Variants in PEX5L observed in about 807,000 individuals in gnomAD.
PEX5L encodes PEX5-related protein.
Under a neutral mutation model 84.0 loss-of-function variants are expected in PEX5L, and 30 were observed. That is an observed-to-expected ratio of 0.36 (90% CI 0.27 to 0.48). The LOEUF (loss-of-function observed/expected upper bound fraction) is 0.48, where lower values mean the gene tolerates loss of function less well. Ranked by LOEUF, PEX5L falls within the 20% of genes least tolerant of loss-of-function variation. The probability of loss-of-function intolerance (pLI) is 0.99; values close to 1 mark genes in which losing one functional copy is unlikely to be tolerated. For missense variants in PEX5L, 533 were observed against 754.6 expected, an observed-to-expected ratio of 0.71 and a Z score of 3.44; for synonymous variants, 270 against 283.1, an observed-to-expected ratio of 0.95 and a Z score of 0.46.
At chr3:179,876,741 C>G (rs372358741) in intron 5 of PEX5L, among the ~76,000 whole-genome samples, 2 of 152,150 alleles carry the variant, frequency 1.3e-5, no homozygotes, top group South Asian at 2.1e-4. Context: ...CCCCCTCCCC[C>G]ACAAACCCTG....
chr3:179,835,175 C>T (rs1734497892), intron 8 of PEX5L, among the ~76,000 whole-genome samples: 1 of 152,186 alleles, frequency 6.6e-6, no homozygotes, highest in Admixed American at 6.5e-5. Context: ...TTGGAAGGAA[C>T]AGCTGGGGTG....
At chr3:179,852,447 C>A (rs1289980371) in intron 8 of PEX5L, among the ~76,000 whole-genome samples, 1 of 152,122 alleles carries the variant, frequency 6.6e-6, no homozygotes, top group East Asian at 1.9e-4. Context: ...CTAAGTCCAG[C>A]CCACACTCAA....
At chr3:179,944,008 C>CT (rs199564733) in intron 2 of PEX5L, among the ~76,000 whole-genome samples, 1 of 151,448 alleles carries the variant, frequency 6.6e-6, no homozygotes, top group African/African-American at 2.4e-5. Context: ...CCTCCCCCCC[C>CT]CAAAAAACTG....
In PEX5L at chr3:179,898,183, C is replaced by G. The variant is rs772465642; in HGVS notation, c.157G>C (p.Glu53Gln). 1 of 1,613,580 alleles carries G rather than the reference C, an allele frequency of 6.2e-7. No individual in the cohort carries two copies. The highest frequency in any genetic ancestry group is 1.1e-5 in the South Asian group (1 of 91,056). The change falls in exon 3 of 15, where the codon GAG becomes CAG. Residue 53 changes from glutamate (E) to glutamine (Q), a missense_variant. Glu to Gln is a conservative substitution (Grantham distance 29). Coordinates refer to ENST00000467460, the MANE Select transcript of PEX5L (RefSeq NM_016559.3). ...AGGAGGGGCTTTTCTTCAGCAGACT[C>G]CTCCCTCGGTATCTCCTTCATCACC... ...AMVMKEIPRE[E>Q]SAEEKPLLTM...
rs377507233 is a variant in PEX5L, at chr3:179,844,102, C to T, written c.822+14960G>A. Among the ~76,000 whole-genome samples the T allele has an allele frequency of 3.9e-5, 6 of 152,278 alleles. No individual in the cohort carries two copies. In the South Asian group the frequency reaches 6.2e-4, roughly 16 times the overall value. The stretch of plus-strand genomic sequence containing the variant: ...TGACCACTTCACTTCCATTATGCTC[C>T]GGATCCTTGCCTAAATAAATCCAGA... On this transcript the variant is annotated intron_variant, in intron 8 of 14. Transcript: ENST00000467460.
At chr3:179,976,011 T>G (rs995482314) in intron 1 of PEX5L, among the ~76,000 whole-genome samples, 2 of 152,144 alleles carry the variant, frequency 1.3e-5, no homozygotes, top group Non-Finnish European at 2.9e-5. Context: ...GCAGTGCATA[T>G]AGATCACTAG....
chr3:179,857,388 C>T (rs1744416633), intron 8 of PEX5L, among the ~76,000 whole-genome samples: 1 of 152,088 alleles, frequency 6.6e-6, no homozygotes, highest in Non-Finnish European at 1.5e-5. Flanking sequence ...TTAGTACTGT[C>T]CAAAATGGAA....
chr3:180,004,424 G>T (rs1788690400), intron 1 of PEX5L, among the ~76,000 whole-genome samples: 2 of 152,250 alleles, frequency 1.3e-5, no homozygotes, highest in Non-Finnish European at 1.5e-5. Flanking sequence ...AATCTTTTTG[G>T]TCAAGCTAAT....
chr3:180,001,189 C>T (rs986831411), intron 1 of PEX5L, among the ~76,000 whole-genome samples: 1 of 151,932 alleles, frequency 6.6e-6, no homozygotes, highest in African/African-American at 2.4e-5. Context: ...TGCTTCCTGC[C>T]CTTGAACATC....
chr3:179,967,411 A>T (rs1783611506), intron 2 of PEX5L, among the ~76,000 whole-genome samples: 1 of 152,190 alleles, frequency 6.6e-6, no homozygotes, highest in Non-Finnish European at 1.5e-5. Context: ...CATAAATGTT[A>T]TACACTTTAT....
intron 2 of PEX5L, among the ~76,000 whole-genome samples, chr3:179,903,261 C>T (rs1762022246): frequency 6.6e-6 from 1 of 152,056 alleles, no homozygotes; most frequent in Non-Finnish European, 1.5e-5. Context: ...CGCTCTGTCA[C>T]CCAGGCTGGA....
chr3:179,983,279 A>G (rs945012510), intron 1 of PEX5L, among the ~76,000 whole-genome samples: 3 of 152,024 alleles, frequency 2.0e-5, no homozygotes, highest in Non-Finnish European at 4.4e-5. Context: ...ATACACATAT[A>G]TCCACCTTAC....
At chr3:179,830,062 G>T (rs2109113927) in intron 8 of PEX5L, among the ~76,000 whole-genome samples, 1 of 150,190 alleles carries the variant, frequency 6.7e-6, no homozygotes, top group East Asian at 2.0e-4. Flanking sequence ...CTCCCAAAGT[G>T]CTGGGATTAC....
chr3:179,806,937 A>G (rs1206669384), intron 14 of PEX5L, among the ~76,000 whole-genome samples: 1 of 152,212 alleles, frequency 6.6e-6, no homozygotes, highest in East Asian at 1.9e-4. Context: ...GTTCAAAACT[A>G]ACATTTAGTT....
At chr3:179,853,075 A>G (rs767423261) in intron 8 of PEX5L, among the ~76,000 whole-genome samples, 2 of 152,216 alleles carry the variant, frequency 1.3e-5, no homozygotes, top group African/African-American at 2.4e-5. Flanking sequence ...GGAAGTCACA[A>G]TCTGGTATGG....
chr3:179,799,143 C>A lies in PEX5L; in HGVS notation c.*2685G>T, dbSNP rs979917616. ...CCATGTTGGTCAGGCTGGTCTCGAA[C>A]TCCTGACCTCGTGGTCTGCCCGCCT... is the stretch of plus-strand genomic sequence containing the variant. On this transcript the variant is annotated 3_prime_UTR_variant, in exon 15 of 15. Transcript: ENST00000467460. 1 of 152,284 alleles carries A rather than the reference C, an allele frequency of 6.6e-6. No individual in the cohort carries two copies. The highest frequency in any genetic ancestry group is 2.4e-5 in the African/African-American group (1 of 41,450). The allele number at this position is 152,284 out of a possible 1,614,324, so 9.4% of individuals were successfully genotyped here.
chr3:180,004,892 A>C (rs912527780), intron 1 of PEX5L, among the ~76,000 whole-genome samples: 1 of 152,146 alleles, frequency 6.6e-6, no homozygotes, highest in African/African-American at 2.4e-5. Context: ...TACTAGAATT[A>C]GTTAAAAATT....
intron 1 of PEX5L, among the ~76,000 whole-genome samples, chr3:180,016,153 T>C (rs1457965670): frequency 2.0e-5 from 3 of 152,118 alleles, no homozygotes; most frequent in Non-Finnish European, 4.4e-5. Flanking sequence ...TGTTTTTAAT[T>C]CTATCCTTAA....
At chr3:179,825,333 C>T (rs1730035737) in intron 8 of PEX5L, among the ~76,000 whole-genome samples, 1 of 152,148 alleles carries the variant, frequency 6.6e-6, no homozygotes, top group African/African-American at 2.4e-5. Flanking sequence ...ATGGGCTCCT[C>T]AACCTTAGAA....
Sources: gnomAD v4.1 joint callset for allele counts (sites outside exome capture counted in the v4.1 genomes callset) on GRCh38, gnomAD v4.1.1 for gene constraint, MANE v1.5 for transcripts, NCBI Gene and HGNC (gene_info 2026-07-23, HGNC 2026-07-21) for gene names.